CAPN1: variants seen among roughly 807,000 people sequenced by gnomAD.
The protein encoded by CAPN1 is calpain 1, also known as calpain-1 catalytic subunit.
CAPN1 carries 77 observed loss-of-function variants against 105.2 expected under a neutral mutation model. The observed-to-expected ratio is 0.73, with a 90% CI of 0.61 to 0.88. The LOEUF is 0.88. Among genes scored for constraint, CAPN1 ranks in the 40% least tolerant of loss-of-function variants. The pLI, the probability that CAPN1 is intolerant of heterozygous loss-of-function variation, is 0.00. For synonymous variants in CAPN1, 355 were observed against 388.8 expected (o/e 0.91, Z 1.02); for missense variants, 833 against 976.6 (o/e 0.85, Z 1.96).
chr11:65,211,338 G>A lies in CAPN1; in HGVS notation c.*52G>A. On this transcript the variant is annotated 3_prime_UTR_variant, in exon 22 of 22. Coordinates refer to ENST00000279247, the MANE Select transcript of CAPN1 (RefSeq NM_005186.4). ...GCTCCCCTCCCTCCTCGTCTGCCAA[G>A]CCTCGCCTCCTACCACACCACACCA... The A allele has an allele frequency of 6.3e-7, 1 of 1,588,410 alleles. No homozygotes were observed.
intron 11 of CAPN1, among the ~76,000 whole-genome samples, chr11:65,205,120 C>T (rs1590864186): frequency 1.3e-5 from 2 of 152,228 alleles, no homozygotes; most frequent in Non-Finnish European, 2.9e-5. Flanking sequence ...GCTTAGAGGG[C>T]GGCCTGCTGC....
chr11:65,205,606 C>A, intron 11 of CAPN1, 104 bp from the exon 12 acceptor site: 1 of 1,132,794 alleles, frequency 8.8e-7, no homozygotes, highest in Non-Finnish European at 1.3e-6. Flanking sequence ...GCCTCCTTAT[C>A]CCATCAGTCC....
Position 65,211,277 on chromosome 11 carries a change from G to A in CAPN1, c.2136G>A (p.Met712Ile). The A allele has an allele frequency of 1.9e-6, 3 of 1,612,762 alleles. No individual in the cohort carries two copies. Among genetic ancestry groups the A allele is most frequent in the Non-Finnish European group, 2.5e-6 (3 of 1,179,802 alleles). The change falls in exon 22 of 22, where the codon ATG becomes ATA. Residue 712 changes from methionine (M) to isoleucine (I), a missense_variant. Coordinates refer to ENST00000279247, the MANE Select transcript of CAPN1 (RefSeq NM_005186.4). ...TCCCGCAGTGGTTGCAGCTGACCATGTTTGCATGAGGCAGGGACTCGGTCC... is the reference window on the plus strand; with the variant it reads ...TCCCGCAGTGGTTGCAGCTGACCATATTTGCATGAGGCAGGGACTCGGTCC... ...FDLFKWLQLT[M>I]FA
chr11:65,209,754 C>T lies in CAPN1; in HGVS notation c.1795-95C>T, dbSNP rs113012725. The T allele has an allele frequency of 2.1e-5, 27 of 1,268,906 alleles. No homozygotes were observed. The highest frequency in any genetic ancestry group is 2.0e-4 in the Middle Eastern group (1 of 4,946). 78.6% of individuals were successfully genotyped at this position (1,268,906 alleles called of 1,614,324 possible). On this transcript the variant is annotated intron_variant, in intron 17 of 21. Coordinates refer to ENST00000279247, the MANE Select transcript of CAPN1 (RefSeq NM_005186.4). This position sits in a 1 kb window ranked among gnomAD's most constrained non-coding sequence, Gnocchi z 4.1. ...TTCTCCTCACCCAGCCCCAAGTCGA[C>T]TTGCCGGCTCGGCGGCCATCTCCCC...
intron 4 of CAPN1, among the ~76,000 whole-genome samples, chr11:65,185,566 A>G (rs534136219): frequency 1.3e-5 from 2 of 151,890 alleles, no homozygotes; most frequent in South Asian, 4.2e-4. Flanking sequence ...AGACCCTCTG[A>G]ACAGCTATCT....
upstream of CAPN1, chr11:65,181,782 C>G (rs999944979): frequency 8.5e-6 from 2 of 236,402 alleles, no homozygotes; most frequent in African/African-American, 2.4e-5. This position sits in a 1 kb window ranked among gnomAD's most constrained non-coding sequence, Gnocchi z 4.6. Context: ...GGGGAGACAC[C>G]GTGAGTAAGA....
At chr11:65,202,930 C>T (rs1271507554) in intron 10 of CAPN1, among the ~76,000 whole-genome samples, 1 of 152,172 alleles carries the variant, frequency 6.6e-6, no homozygotes, top group African/African-American at 2.4e-5. Context: ...AAATCTACTT[C>T]TTATCTCTAT....
At chr11:65,201,491 C>A (rs1948868106) in intron 10 of CAPN1, among the ~76,000 whole-genome samples, 1 of 152,056 alleles carries the variant, frequency 6.6e-6, no homozygotes, top group African/African-American at 2.4e-5. Context: ...TTTTTCCTTC[C>A]CTCCAGGGAG....
chr11:65,191,524 G>C (rs911683776), intron 10 of CAPN1, among the ~76,000 whole-genome samples: 2 of 152,030 alleles, frequency 1.3e-5, no homozygotes, highest in Non-Finnish European at 2.9e-5. Context: ...GATTACAGGC[G>C]TGCGGCACCA....
chr11:65,202,512 G>A (rs1171914454), intron 10 of CAPN1, among the ~76,000 whole-genome samples: 9 of 151,852 alleles, frequency 5.9e-5, no homozygotes, highest in East Asian at 3.9e-4. Flanking sequence ...GCCAGATCTC[G>A]GCTCACTGCA....
In CAPN1 at chr11:65,192,595, T is replaced by C. The variant is rs150541900; in HGVS notation, c.1165+3849T>C. On this transcript the variant is annotated intron_variant, in intron 10 of 21. Coordinates refer to ENST00000279247, the MANE Select transcript of CAPN1 (RefSeq NM_005186.4). ...AGATTTTCTGTTTCTTGAGCCAATT[T>C]TGATGAGTTGTATTTTCTTTTGTTT... Among the ~76,000 whole-genome samples the C allele has an allele frequency of 4.0e-3, 614 of 152,238 alleles. 4 individuals are homozygous for C. Among genetic ancestry groups the C allele is most frequent in the African/African-American group, 0.014 (587 of 41,564 alleles).
At position 65,211,452 on chromosome 11, in the gene CAPN1, G is replaced by A; in HGVS notation, c.*166G>A. 1.5e-6 allele frequency: 1 copy of A among 686,346 alleles called. No homozygotes were observed. The highest frequency in any genetic ancestry group is 2.6e-6 in the Non-Finnish European group (1 of 386,016). 42.5% of individuals were successfully genotyped at this position (686,346 alleles called of 1,614,324 possible). On this transcript the variant is annotated 3_prime_UTR_variant, in exon 22 of 22. Coordinates refer to ENST00000279247, the MANE Select transcript of CAPN1 (RefSeq NM_005186.4). ...TCCTCCCAGCCACCATCGTTCATCT[G>A]CTCCGGGCAGAACTGTGTGGCCCCT...
Position 65,211,766 on chromosome 11 carries a change from G to A in CAPN1, c.*480G>A, listed in dbSNP as rs112391894. On this transcript the variant is annotated 3_prime_UTR_variant, in exon 22 of 22. Coordinates refer to ENST00000279247, the MANE Select transcript of CAPN1 (RefSeq NM_005186.4). ...GCTGGGAACGCCTGTGCCTTCCTGCGCCGAAGCCAACGCCCCCTCTGTCCT... is the reference window on the plus strand; with the variant it reads ...GCTGGGAACGCCTGTGCCTTCCTGCACCGAAGCCAACGCCCCCTCTGTCCT... 333 of 167,186 alleles carry A rather than the reference G, an allele frequency of 2.0e-3. 1 individual carries two copies. The highest frequency in any genetic ancestry group is 7.0e-3 in the African/African-American group (295 of 42,336). 10.4% of individuals were successfully genotyped at this position (167,186 alleles called of 1,614,324 possible).
Position 65,188,265 on chromosome 11 carries a change from C to A in CAPN1, c.930-149C>A. On this transcript the variant is annotated intron_variant, in intron 8 of 21. Transcript: ENST00000279247. This position sits in a 1 kb window ranked among gnomAD's most constrained non-coding sequence, Gnocchi z 5.5. ...GGCATCAGACTGGCCCTGATGAGAC[C>A]ACCCCCTAGAAGCGGAACCTTGGCG... is the stretch of plus-strand genomic sequence containing the variant. 1 of 741,500 alleles carries A rather than the reference C, an allele frequency of 1.3e-6. No individual in the cohort carries two copies. The highest frequency in any genetic ancestry group is 2.2e-6 in the Non-Finnish European group (1 of 452,580). 45.9% of individuals were successfully genotyped at this position (741,500 alleles called of 1,614,324 possible).
At chr11:65,187,331 C>T (rs749531390) in intron 7 of CAPN1, 33 bp downstream of exon 7, 10 of 1,490,846 alleles carry the variant, frequency 6.7e-6, no homozygotes, top group South Asian at 2.3e-5. Flanking sequence ...CCCTGAAGGG[C>T]GGTTCCTGCC....
At chr11:65,194,995 G>A (rs1018543709) in intron 10 of CAPN1, among the ~76,000 whole-genome samples, 3 of 151,896 alleles carry the variant, frequency 2.0e-5, no homozygotes, top group African/African-American at 7.3e-5. Context: ...AACAACATGT[G>A]AGGGTTCTGA....
At chr11:65,204,935 G>A (rs1380632035) in intron 11 of CAPN1, 77 bp downstream of exon 11, 4 of 1,286,126 alleles carry the variant, frequency 3.1e-6, no homozygotes, top group East Asian at 2.4e-5. Context: ...GTGCAGGCGG[G>A]CTTCCACCAG....
chr11:65,183,031 G>A (rs981575583), intron 2 of CAPN1, 63 bp downstream of exon 2: 34 of 1,606,402 alleles, frequency 2.1e-5, no homozygotes, highest in Non-Finnish European at 2.8e-5. Context: ...AGTAGGGATG[G>A]GACTCCATGT....
intron 10 of CAPN1, among the ~76,000 whole-genome samples, chr11:65,194,085 C>T (rs1948758779): frequency 6.6e-6 from 1 of 151,196 alleles, no homozygotes; most frequent in South Asian, 2.1e-4. Context: ...CCTCAGCCTC[C>T]CAAGTAACTG....
Sources: gnomAD v4.1 joint callset for allele counts (sites outside exome capture counted in the v4.1 genomes callset) on GRCh38, gnomAD v4.1.1 for gene constraint, Gnocchi (gnomAD v3.1) non-coding constraint, MANE v1.5 for transcripts, NCBI Gene and HGNC (gene_info 2026-07-23, HGNC 2026-07-21) for gene names.